The following DCHS2 variants were observed in gnomAD, a reference collection of about 807,000 sequenced individuals.
The protein encoded by DCHS2 is dachsous cadherin-related 2, also known as protocadherin-23.
A neutral mutation model predicts 182.4 loss-of-function variants in DCHS2; 142 were observed. The observed-to-expected ratio is 0.78, with a 90% CI of 0.68 to 0.89. DCHS2 has a LOEUF of 0.89. DCHS2 is among the 40% of genes least tolerant of loss of function. The pLI is 0.00. For missense variants in DCHS2, 4,319 were observed against 4,198.6 expected (o/e 1.03, Z -0.79); for synonymous variants, 1,740 against 1,663.3 (o/e 1.05, Z -1.12).
chr4:154,360,774 T>A (rs1730082929), intron 3 of DCHS2, among the ~76,000 whole-genome samples: 2 of 152,144 alleles, frequency 1.3e-5, no homozygotes, highest in African/African-American at 2.4e-5. Context: ...AACAAAAGAT[T>A]ACAACTAAAC....
intron 2 of DCHS2, among the ~76,000 whole-genome samples, chr4:154,373,489 T>C (rs1443152898): frequency 6.6e-6 from 1 of 152,148 alleles, no homozygotes; most frequent in African/African-American, 2.4e-5. Context: ...TGAAAACACA[T>C]ATGTTGCTTG....
chr4:154,280,603 A>T (rs989052392), intron 13 of DCHS2, among the ~76,000 whole-genome samples: 16 of 152,286 alleles, frequency 1.1e-4, no homozygotes, highest in African/African-American at 3.8e-4. Context: ...CACCACATCA[A>T]CAGAACAAAA....
chr4:154,349,688 G>T (rs1729519203), intron 3 of DCHS2, among the ~76,000 whole-genome samples: 1 of 152,092 alleles, frequency 6.6e-6, no homozygotes, highest in Non-Finnish European at 1.5e-5. Flanking sequence ...ACAACTAAGG[G>T]AAATCACAGC....
chr4:154,298,572 G>T lies in DCHS2; in HGVS notation c.5742C>A (p.Ser1914Arg). 3 of 1,614,160 alleles carry T rather than the reference G, an allele frequency of 1.9e-6. No individual in the cohort carries two copies. The highest frequency in any genetic ancestry group is 2.5e-6 in the Non-Finnish European group (3 of 1,179,998). ...LCSDLGDPPRSSVIHLQVRVL... is the reference protein window; with the variant it reads ...LCSDLGDPPRRSVIHLQVRVL... ...CTCTAACTTGCAGGTGTATTACAGA[G>T]CTCCTAGGTGGATCTCCCAGGTCAG... The change falls in exon 13 of 20, where the codon AGC becomes AGA. Residue 1914 changes from serine (S) to arginine (R), a missense_variant. Transcript: ENST00000357232.
chr4:154,294,750 A>G (rs1333702728), intron 13 of DCHS2, among the ~76,000 whole-genome samples: 1 of 152,226 alleles, frequency 6.6e-6, no homozygotes, highest in Non-Finnish European at 1.5e-5. Flanking sequence ...AAACACCAAC[A>G]GGGAATGTGT....
intron 1 of DCHS2, among the ~76,000 whole-genome samples, chr4:154,487,021 C>T (rs1245519062): frequency 1.3e-5 from 2 of 152,110 alleles, no homozygotes; most frequent in Admixed American, 6.5e-5. Context: ...TAAACTCACA[C>T]CTCATAGAAG....
At chr4:154,321,284 T>A (rs916802032) in intron 8 of DCHS2, 62 bp from the exon 9 acceptor site, 1 of 1,383,714 alleles carries the variant, frequency 7.2e-7, no homozygotes, top group Non-Finnish European at 9.4e-7. Flanking sequence ...AATGAATAAA[T>A]GTAATAATAT....
In DCHS2 at chr4:154,412,612, C is replaced by T. The variant is rs547950223; in HGVS notation, c.2053-35168G>A. Among the ~76,000 whole-genome samples, 32 of 152,158 alleles carry T rather than the reference C, an allele frequency of 2.1e-4. No individual in the cohort carries two copies. In the South Asian group the frequency reaches 5.6e-3, roughly 27 times the overall value. On this transcript the variant is annotated intron_variant, in intron 1 of 19. Transcript: ENST00000357232. ...CCAGTCAATTTAATATTTCAGCAAA[C>T]GAGCACTTTTGAAACAATCAAACAT...
At chr4:154,341,355 C>T (rs1283737053) in intron 3 of DCHS2, among the ~76,000 whole-genome samples, 1 of 134,970 alleles carries the variant, frequency 7.4e-6, no homozygotes, top group African/African-American at 2.8e-5. Context: ...AGAGACAGAG[C>T]GAGACTCTGT....
chr4:154,421,373 G>GTGAATTTAAT (rs141687100), intron 1 of DCHS2, among the ~76,000 whole-genome samples: 2 of 149,064 alleles, frequency 1.3e-5, no homozygotes, highest in Admixed American at 6.7e-5. Context: ...TCTCATCTGT[G>GTGAATTTAAT]TTAATTTAAT....
rs1343529302 is a variant in DCHS2 at position 154,490,500 on chromosome 4, C to T, written c.856G>A (p.Val286Met). 2.0e-6 allele frequency: 3 copies of T among 1,537,006 alleles called. No individual in the cohort carries two copies. Among genetic ancestry groups the T allele is most frequent in the African/African-American group, 1.4e-5 (1 of 73,040 alleles). ...GGCGGGTTGTCGTTCTCATCCAGCA[C>T]GCGCAGCTCCACGCTCAGGAGGCCG... ...RTGLLSVELR[V>M]LDENDNPPVF... Residue 286 changes from valine to methionine, a missense_variant, in exon 1 of 20, where the codon GTG becomes ATG. By Grantham distance (21) the Val-to-Met change is conservative. Transcript: ENST00000357232.
chr4:154,337,263 G>C (rs1189653326), intron 3 of DCHS2, among the ~76,000 whole-genome samples: 1 of 152,110 alleles, frequency 6.6e-6, no homozygotes, highest in Non-Finnish European at 1.5e-5. Context: ...CCACTCACCA[G>C]GTATATATTC....
Position 154,298,593 on chromosome 4 carries a change from G to C in DCHS2, c.5721C>G (p.Asp1907Glu). ...SNFTLVILCSDLGDPPRSSVI... is the reference protein window; with the variant it reads ...SNFTLVILCSELGDPPRSSVI... The stretch of plus-strand genomic sequence containing the variant: ...CAGAGCTCCTAGGTGGATCTCCCAG[G>C]TCAGAGCACAGAATGACAAGGGTAA... Residue 1907 changes from aspartate (D) to glutamate (E), a missense_variant, in exon 13 of 20, where the codon GAC becomes GAG. By Grantham distance (45) the Asp-to-Glu change is conservative (BLOSUM62 2). Coordinates refer to ENST00000357232, the MANE Select transcript of DCHS2 (RefSeq NM_001358235.2). 1 of 1,614,094 alleles carries C rather than the reference G, an allele frequency of 6.2e-7. No individual in the cohort carries two copies. The highest frequency in any genetic ancestry group is 8.5e-7 in the Non-Finnish European group (1 of 1,179,984).
chr4:154,400,634 T>C, intron 1 of DCHS2, among the ~76,000 whole-genome samples: 1 of 152,200 alleles, frequency 6.6e-6, no homozygotes, highest in East Asian at 1.9e-4. Flanking sequence ...TCGGGTTTTC[T>C]TGAAGGGATA....
chr4:154,417,616 CA>C (rs1732927447), intron 1 of DCHS2, among the ~76,000 whole-genome samples: 1 of 152,040 alleles, frequency 6.6e-6, no homozygotes, highest in Admixed American at 6.6e-5. Flanking sequence ...AAAAACAAAA[CA>C]AAAAACTATT....
Position 154,343,390 on chromosome 4 carries a change from A to T in DCHS2, c.2477-8286T>A, listed in dbSNP as rs372363686. ...AGGCATTGACTTCTCCTCTCTAGCT[A>T]TGAAAGTCCTAGATGGCATCTTATT... On this transcript the variant is annotated intron_variant, in intron 3 of 19. Transcript: ENST00000357232. 30 of 1,261,324 alleles carry T rather than the reference A, an allele frequency of 2.4e-5. No individual in the cohort carries two copies. The East Asian group carries it at 6.6e-4, about 28-fold the overall frequency. The allele number at this position is 1,261,324 out of a possible 1,614,324, so 78.1% of individuals were successfully genotyped here.
chr4:154,241,555 G>A (rs1731827969), intron 17 of DCHS2, among the ~76,000 whole-genome samples: 1 of 152,158 alleles, frequency 6.6e-6, no homozygotes, highest in Admixed American at 6.6e-5. Context: ...GGTACAGCTA[G>A]AAAGAATATG....
At position 154,476,077 on chromosome 4, in the gene DCHS2, G is replaced by T. The variant is rs558434296; in HGVS notation, c.2052+13227C>A. On this transcript the variant is annotated intron_variant, in intron 1 of 19. Coordinates refer to ENST00000357232, the MANE Select transcript of DCHS2 (RefSeq NM_001358235.2). ...ATATCTACTATAATTGTCTTTTTAC[G>T]TTTTCAATTGTTTTATTTTTCAAAC... is the stretch of plus-strand genomic sequence containing the variant. 9.2e-5 allele frequency among the ~76,000 whole-genome samples: 14 copies of T among 152,182 alleles called. No individual in the cohort carries two copies. In the South Asian group the frequency reaches 2.9e-3, roughly 32 times the overall value.
At chr4:154,319,713 T>C (rs1365854104) in intron 9 of DCHS2, among the ~76,000 whole-genome samples, 3 of 148,498 alleles carry the variant, frequency 2.0e-5, no homozygotes, top group Non-Finnish European at 4.4e-5. Context: ...GTAGAGAAAT[T>C]GGAACCCTTG....
Sources: allele counts gnomAD v4.1 joint callset (sites outside exome capture counted in the v4.1 genomes callset), GRCh38; gene constraint gnomAD v4.1.1; transcripts MANE v1.5; gene names NCBI Gene and HGNC (gene_info 2026-07-23, HGNC 2026-07-21).